ZNF227: variants seen among roughly 807,000 people sequenced by gnomAD.
The protein encoded by ZNF227 is zinc finger protein 227.
ZNF227 carries 12 observed loss-of-function variants against 13.2 expected under a neutral mutation model. The ratio of observed to expected loss-of-function variants is 0.91; its 90% confidence interval spans 0.58 to 1.47. ZNF227 has a LOEUF of 1.47. Ranked by LOEUF, ZNF227 falls within the 40% of genes most tolerant of loss-of-function variation. The probability of loss-of-function intolerance (pLI) is 0.00; values close to 1 mark genes in which losing one functional copy is unlikely to be tolerated. For synonymous variants in ZNF227, 338 were observed against 326.0 expected (o/e 1.04, Z -0.40); for missense variants, 885 against 967.5 (o/e 0.91, Z 1.13).
Position 44,236,114 on chromosome 19 carries a change from A to G in ZNF227, c.1684A>G (p.Asn562Asp), listed in dbSNP as rs1159699958. The G allele has an allele frequency of 6.2e-7, 1 of 1,613,928 alleles. No homozygotes were observed. Among genetic ancestry groups the G allele is most frequent in the East Asian group, 2.2e-5 (1 of 44,874 alleles). The change falls in exon 6 of 6, where the codon AAT (asparagine) becomes GAT (aspartate). Residue 562 changes from asparagine to aspartate, a missense_variant. Asn to Asp is a conservative substitution (Grantham distance 23). Transcript: ENST00000313040. Reference protein sequence around the residue: ...VCGKDFSYSSNLKLHQVIHTG... With the variant: ...VCGKDFSYSSDLKLHQVIHTG... ...TGGTAAGGACTTCAGTTATAGTTCA[A>G]ATCTTAAACTACACCAAGTAATTCA... is the stretch of plus-strand genomic sequence containing the variant.
chr19:44,221,802 A>G (rs988705178), intron 3 of ZNF227, among the ~76,000 whole-genome samples: 13 of 152,260 alleles, frequency 8.5e-5, no homozygotes, highest in Admixed American at 6.5e-4. Flanking sequence ...TTTTGTTGCC[A>G]TTGCTTTTAG....
chr19:44,224,826 A>T (rs1253514403), intron 3 of ZNF227, among the ~76,000 whole-genome samples: 2 of 152,042 alleles, frequency 1.3e-5, no homozygotes, highest in African/African-American at 2.4e-5. Context: ...TTAGCTGGTT[A>T]TTTTGCTCGT....
chr19:44,234,639 T>C, intron 5 of ZNF227, 63 bp from the exon 6 acceptor site: 1 of 1,433,586 alleles, frequency 7.0e-7, no homozygotes, highest in African/African-American at 1.4e-5. Context: ...GAAATTCTGA[T>C]ATTTCTGAAG....
chr19:44,223,011 A>G (rs1236999522), intron 3 of ZNF227, among the ~76,000 whole-genome samples: 1 of 152,072 alleles, frequency 6.6e-6, no homozygotes, highest in Non-Finnish European at 1.5e-5. Context: ...TTCTGCATCT[A>G]TTGAGATAAT....
At position 44,235,634 on chromosome 19, in the gene ZNF227, C is replaced by T; in HGVS notation, c.1204C>T (p.His402Tyr). 10 of 1,614,012 alleles carry T rather than the reference C, an allele frequency of 6.2e-6. No homozygotes were observed. The highest frequency in any genetic ancestry group is 8.5e-6 in the Non-Finnish European group (10 of 1,180,012). Residue 402 changes from histidine to tyrosine, a missense_variant, in exon 6 of 6, where the codon CAC (histidine) becomes TAC (tyrosine). Physicochemically the swap from His to Tyr is moderately conservative, Grantham distance 83. Coordinates refer to ENST00000313040, the MANE Select transcript of ZNF227 (RefSeq NM_182490.3). ...TAATCTCCGTGTTCACCAGAGGGTC[C>T]ACAGGGGTGAGAAGCCCTATAAATG... ...SVNLRVHQRV[H>Y]RGEKPYKCEE... is the part of the protein sequence containing the mutation.
At chr19:44,208,574 T>A (rs1971264688), upstream of ZNF227, among the ~76,000 whole-genome samples, 1 of 152,164 alleles carries the variant, frequency 6.6e-6, no homozygotes, top group South Asian at 2.1e-4. Flanking sequence ...GAGAAAGGAT[T>A]CAGAAGCACT....
chr19:44,215,437 T>G (rs1335344109), intron 2 of ZNF227, among the ~76,000 whole-genome samples: 1 of 148,220 alleles, frequency 6.7e-6, no homozygotes, highest in East Asian at 2.0e-4. Context: ...TAGTGTCTTT[T>G]AGAATATATA....
chr19:44,232,715 T>C (rs1167187018), intron 5 of ZNF227, among the ~76,000 whole-genome samples: 1 of 151,980 alleles, frequency 6.6e-6, no homozygotes, highest in Non-Finnish European at 1.5e-5. Flanking sequence ...TCGTCCAGGC[T>C]AAAGTGCAGT....
rs750439519 is a variant in ZNF227, at chr19:44,234,766, A to C, written c.336A>C (p.Gln112His). 1.2e-6 allele frequency: 2 copies of C among 1,610,324 alleles called. No individual in the cohort carries two copies. The highest frequency in any genetic ancestry group is 2.2e-5 in the East Asian group (1 of 44,864). The change falls in exon 6 of 6, where the codon CAA becomes CAC. Residue 112 changes from glutamine (Q) to histidine (H), a missense_variant. Coordinates refer to ENST00000313040, the MANE Select transcript of ZNF227 (RefSeq NM_182490.3). ...TTGCATTAAAATACCTTTCAAATCAAGAGCTGTCCTGCTGGCAAATCTGGA... is the reference window on the plus strand; with the variant it reads ...TTGCATTAAAATACCTTTCAAATCACGAGCTGTCCTGCTGGCAAATCTGGA... ...QKFALKYLSN[Q>H]ELSCWQIWKQ...
At chr19:44,209,660 C>G (rs949099616), upstream of ZNF227, among the ~76,000 whole-genome samples, 4 of 152,056 alleles carry the variant, frequency 2.6e-5, no homozygotes, top group South Asian at 2.1e-4. Context: ...GATCTCGGCT[C>G]ACTGCAAGCT....
At chr19:44,213,666 TAATCTC>T (rs1971552503) in intron 2 of ZNF227, 1 of 152,208 alleles carries the variant, frequency 6.6e-6, no homozygotes, top group African/African-American at 2.4e-5. Context: ...TCTGTGGTCT[TAATCTC>T]AATGATACAG....
rs1470390819 is a variant in ZNF227, at chr19:44,235,927, G to A, written c.1497G>A (p.Lys499=). 8.1e-6 allele frequency: 13 copies of A among 1,614,070 alleles called. No individual in the cohort carries two copies. The highest frequency in any genetic ancestry group is 1.7e-5 in the Admixed American group (1 of 60,010). The change falls in exon 6 of 6, where the codon AAG becomes AAA. Residue 499 remains lysine, a synonymous_variant. Transcript: ENST00000313040. ...CCTATAAATGTAAGGAGTGTGGTAA[G>A]GGCTTCAGTCAGGCTTCAAATCTTC... ...EKPYKCKECG[K]GFSQASNLQV... is the part of the protein sequence containing the mutation.
Position 44,237,009 on chromosome 19 carries a change from C to T in ZNF227, c.*179C>T, listed in dbSNP as rs1470502769. 1.1e-5 allele frequency: 6 copies of T among 542,134 alleles called. No homozygotes were observed. Among genetic ancestry groups the T allele is most frequent in the Admixed American group, 3.5e-5 (1 of 28,236 alleles). 33.6% of individuals were successfully genotyped at this position (542,134 alleles called of 1,614,324 possible). ...CAGAACCATGAACAGGAATAGAACTCGTATTTAGGGGAGAAATAGGGCTGG... is the reference window on the plus strand; with the variant it reads ...CAGAACCATGAACAGGAATAGAACTTGTATTTAGGGGAGAAATAGGGCTGG... On this transcript the variant is annotated 3_prime_UTR_variant, in exon 6 of 6. Coordinates refer to ENST00000313040, the MANE Select transcript of ZNF227 (RefSeq NM_182490.3).
intron 4 of ZNF227, 109 bp downstream of exon 4, chr19:44,228,681 CA>C (rs1973456867): frequency 1.6e-6 from 2 of 1,281,370 alleles, no homozygotes; most frequent in Admixed American, 5.9e-5. Context: ...CTCTTGAAGA[CA>C]AAAGGTTTTC....
chr19:44,218,128 C>T (rs1036968921), intron 3 of ZNF227, among the ~76,000 whole-genome samples: 13 of 152,176 alleles, frequency 8.5e-5, no homozygotes, highest in Non-Finnish European at 4.4e-5. Context: ...CTTTTTCATA[C>T]ACATTTTGCA....
Position 44,236,214 on chromosome 19 carries a change from A to G in ZNF227, c.1784A>G (p.Gln595Arg), listed in dbSNP as rs753004496. 1.2e-6 allele frequency: 2 copies of G among 1,614,174 alleles called. No individual in the cohort carries two copies. The highest frequency in any genetic ancestry group is 2.2e-5 in the East Asian group (1 of 44,868). Reference protein sequence around the residue: ...FSWRSNLHAHQRVHSGEKPYK... With the variant: ...FSWRSNLHAHRRVHSGEKPYK... ...TGGAGATCAAATCTTCATGCACATCAAAGAGTTCACTCAGGAGAAAAACCC... is the reference window on the plus strand; with the variant it reads ...TGGAGATCAAATCTTCATGCACATCGAAGAGTTCACTCAGGAGAAAAACCC... Residue 595 changes from glutamine to arginine, a missense_variant, in exon 6 of 6, where the codon CAA becomes CGA. By Grantham distance (43) the Gln-to-Arg change is conservative. Transcript: ENST00000313040.
intron 2 of ZNF227, among the ~76,000 whole-genome samples, chr19:44,216,900 C>T (rs1167587396): frequency 6.7e-6 from 1 of 149,390 alleles, no homozygotes; most frequent in Non-Finnish European, 1.5e-5. Context: ...TTAAAGGTGA[C>T]TTTCATAGGA....
chr19:44,233,753 G>A (rs757700511), intron 5 of ZNF227, among the ~76,000 whole-genome samples: 1 of 152,134 alleles, frequency 6.6e-6, no homozygotes. Context: ...AAAATTGGCT[G>A]AGTGTAGTGG....
At chr19:44,222,607 T>C (rs1972660072) in intron 3 of ZNF227, among the ~76,000 whole-genome samples, 1 of 152,018 alleles carries the variant, frequency 6.6e-6, no homozygotes, top group Non-Finnish European at 1.5e-5. Flanking sequence ...TTTTGTACAT[T>C]GACTTTGTAT....
Sources: gnomAD v4.1 joint callset for allele counts (sites outside exome capture counted in the v4.1 genomes callset) on GRCh38, gnomAD v4.1.1 for gene constraint, MANE v1.5 for transcripts, NCBI Gene and HGNC (gene_info 2026-07-23, HGNC 2026-07-21) for gene names.